Variants in DBT observed in about 807,000 individuals in gnomAD.
DBT encodes the protein dihydrolipoamide branched chain transacylase E2.
In DBT, 40 loss-of-function variants were observed where a neutral mutation model predicts 51.3. The observed-to-expected ratio is 0.78, with a 90% confidence interval of 0.61 to 1.02. The LOEUF is 1.02. Ranked by LOEUF, DBT falls within the 50% of genes least tolerant of loss-of-function variation. The pLI is 0.00. For synonymous variants in DBT, 181 were observed against 190.4 expected (o/e 0.95, Z 0.41); for missense variants, 510 against 580.2 (o/e 0.88, Z 1.24).
intron 10 of DBT, among the ~76,000 whole-genome samples, chr1:100,202,055 A>G (rs1402865111): frequency 1.3e-5 from 2 of 152,192 alleles, no homozygotes; most frequent in Non-Finnish European, 2.9e-5. Context: ...GCATATAACA[A>G]TATTAACTTC....
chr1:100,213,915 G>A (rs1300116481), intron 7 of DBT, among the ~76,000 whole-genome samples: 1 of 137,538 alleles, frequency 7.3e-6, no homozygotes, highest in African/African-American at 2.7e-5. Flanking sequence ...TGAGAAAGGT[G>A]AGAAATAATC....
chr1:100,218,812 G>T, intron 4 of DBT, 65 bp from the exon 5 acceptor site: 1 of 1,339,806 alleles, frequency 7.5e-7, no homozygotes, highest in South Asian at 1.2e-5. Context: ...AAGATGTAAA[G>T]TAAGGCCACT....
Position 100,206,221 on chromosome 1 carries a change from T to C in DBT, c.1281+9A>G, listed in dbSNP as rs1230992082. ...TAAACTCCATTTTTCAGTTATCTAATACATGTACCTTAATTGATCCAAGGG... is the reference window on the plus strand; with the variant it reads ...TAAACTCCATTTTTCAGTTATCTAACACATGTACCTTAATTGATCCAAGGG... On this transcript the variant is annotated intron_variant, in intron 10 of 10. Coordinates refer to ENST00000370132, the MANE Select transcript of DBT (RefSeq NM_001918.5). The C allele has an allele frequency of 3.1e-6, 5 of 1,602,030 alleles. No homozygotes were observed. The highest frequency in any genetic ancestry group is 4.3e-6 in the Non-Finnish European group (5 of 1,169,768).
At chr1:100,247,570 G>A (rs1160785371) in intron 1 of DBT, among the ~76,000 whole-genome samples, 7 of 151,750 alleles carry the variant, frequency 4.6e-5, no homozygotes, top group South Asian at 2.1e-4. Flanking sequence ...ATGGTGGTTC[G>A]CGCCTGTAGT....
In DBT at chr1:100,190,877, G is replaced by A. The variant is rs1031685088; in HGVS notation, c.*5378C>T. 3.9e-5 allele frequency: 6 copies of A among 152,180 alleles called. No individual in the cohort carries two copies. The highest frequency in any genetic ancestry group is 2.9e-5 in the Non-Finnish European group (2 of 68,038). 9.4% of individuals were successfully genotyped at this position (152,180 alleles called of 1,614,324 possible). A position where few individuals can be genotyped will look rare whatever the true frequency, so the allele number is the denominator to read the frequency against. ...TGCTTAAAATTAGAAGAAAAGACCCGAACAGGTACTGTAAAGAGTGCCTTG... is the reference window on the plus strand; with the variant it reads ...TGCTTAAAATTAGAAGAAAAGACCCAAACAGGTACTGTAAAGAGTGCCTTG... On this transcript the variant is annotated 3_prime_UTR_variant, in exon 11 of 11. Coordinates refer to ENST00000370132, the MANE Select transcript of DBT (RefSeq NM_001918.5).
At chr1:100,241,976 G>A (rs1664250767) in intron 1 of DBT, among the ~76,000 whole-genome samples, 4 of 151,610 alleles carry the variant, frequency 2.6e-5, no homozygotes, top group South Asian at 4.2e-4. Flanking sequence ...AGCCGGGATC[G>A]AGCCACTGCA....
intron 5 of DBT, among the ~76,000 whole-genome samples, chr1:100,217,965 A>C (rs1323514243): frequency 6.6e-6 from 1 of 152,138 alleles, no homozygotes; most frequent in Non-Finnish European, 1.5e-5. Flanking sequence ...AAACCCTCCA[A>C]GTCTTAAAAT....
At chr1:100,218,567 C>T in intron 5 of DBT, 59 bp downstream of exon 5, 1 of 1,596,516 alleles carries the variant, frequency 6.3e-7, no homozygotes, top group South Asian at 1.1e-5. Context: ...GCTAATTTTT[C>T]AGAGATACAA....
At chr1:100,245,368 T>C (rs1386598264) in intron 1 of DBT, among the ~76,000 whole-genome samples, 1 of 152,092 alleles carries the variant, frequency 6.6e-6, no homozygotes, top group Non-Finnish European at 1.5e-5. Context: ...AAATTAAGCA[T>C]AAGGCTTTAA....
At chr1:100,205,497 T>C (rs1381687023) in intron 10 of DBT, among the ~76,000 whole-genome samples, 2 of 152,192 alleles carry the variant, frequency 1.3e-5, no homozygotes, top group African/African-American at 4.8e-5. Context: ...TTTACACTGT[T>C]GGTGGGAGTG....
At chr1:100,240,940 CTCTAAGTATAAATTGAA>C in intron 1 of DBT, 56 bp from the exon 2 acceptor site, 1 of 1,528,060 alleles carries the variant, frequency 6.5e-7, no homozygotes, top group Admixed American at 1.7e-5. Context: ...ACCGGCTTAT[CTCTAAGTATAAATTGAA>C]TTTCAATTCC....
At chr1:100,237,698 G>T (rs1663964766) in intron 2 of DBT, among the ~76,000 whole-genome samples, 1 of 152,056 alleles carries the variant, frequency 6.6e-6, no homozygotes, top group African/African-American at 2.4e-5. Context: ...GAGTGCAGTG[G>T]CACAATCAGC....
chr1:100,192,187 C>G lies in DBT; in HGVS notation c.*4068G>C, dbSNP rs1028099611. The G allele has an allele frequency of 9.3e-5, 14 of 151,212 alleles. No homozygotes were observed. Among genetic ancestry groups the G allele is most frequent in the African/African-American group, 3.4e-4 (14 of 41,168 alleles). The allele number at this position is 151,212 out of a possible 1,614,324, so 9.4% of individuals were successfully genotyped here. ...ACAGTGTAGAGGGAAGGGGGTAAAA[C>G]CACCATTAAGAACTGATTGGGAATA... On this transcript the variant is annotated 3_prime_UTR_variant, in exon 11 of 11. Transcript: ENST00000370132.
At chr1:100,246,768 G>A (rs1664563973) in intron 1 of DBT, among the ~76,000 whole-genome samples, 1 of 152,098 alleles carries the variant, frequency 6.6e-6, no homozygotes, top group Non-Finnish European at 1.5e-5. Context: ...CTTATAGAAT[G>A]CACAGTACAG....
intron 10 of DBT, among the ~76,000 whole-genome samples, chr1:100,197,344 A>T (rs1241796824): frequency 6.6e-6 from 1 of 152,202 alleles, no homozygotes; most frequent in Admixed American, 6.5e-5. Context: ...GAAGCCCTTC[A>T]AAGTGTCTGA....
At chr1:100,249,388 A>C in intron 1 of DBT, 1 of 356,316 alleles carries the variant, frequency 2.8e-6, no homozygotes. Context: ...CCTTGAGGGT[A>C]GGGGTCGTGT....
chr1:100,191,357 TAACA>T lies in DBT; in HGVS notation c.*4894_*4897del, dbSNP rs1660794200. ...GAGAAATTATAAAATCTTGGAATTG[TAACA>T]AACAGCTTCACAGTTTAATAGTATC... On this transcript the variant is annotated 3_prime_UTR_variant, in exon 11 of 11. Coordinates refer to ENST00000370132, the MANE Select transcript of DBT (RefSeq NM_001918.5). 1 of 152,172 alleles carries T rather than the reference TAACA, an allele frequency of 6.6e-6. No individual in the cohort carries two copies. Among genetic ancestry groups the T allele is most frequent in the Non-Finnish European group, 1.5e-5 (1 of 68,028 alleles). 9.4% of individuals were successfully genotyped at this position (152,172 alleles called of 1,614,324 possible).
chr1:100,206,667 T>C, intron 8 of DBT, 31 bp from the exon 9 acceptor site: 2 of 1,261,508 alleles, frequency 1.6e-6, no homozygotes, highest in Non-Finnish European at 1.2e-6. Context: ...CAGTAGGGCT[T>C]TTAATGAATA....
intron 4 of DBT, 91 bp downstream of exon 4, chr1:100,230,640 AAC>A (rs1491560549): frequency 2.5e-6 from 2 of 809,812 alleles, no homozygotes; most frequent in African/African-American, 3.5e-5. Flanking sequence ...AAAAAAAAAA[AAC>A]AAAAAAACAA....
Sources: gnomAD v4.1 joint callset for allele counts (sites outside exome capture counted in the v4.1 genomes callset) on GRCh38, gnomAD v4.1.1 for gene constraint, MANE v1.5 for transcripts, NCBI Gene and HGNC (gene_info 2026-07-23, HGNC 2026-07-21) for gene names.